The following DTWD2 variants were observed in gnomAD, a reference collection of about 807,000 sequenced individuals.
DTWD2 encodes DTW motif tRNA-uridine aminocarboxypropyltransferase 2, also known as tRNA-uridine aminocarboxypropyltransferase 2.
Under a neutral mutation model 31.8 loss-of-function variants are expected in DTWD2, and 39 were observed. The ratio of observed to expected loss-of-function variants is 1.22; its 90% CI spans 0.95 to 1.60. DTWD2 has a LOEUF of 1.60. Among genes scored for constraint, DTWD2 ranks in the 40% most tolerant of loss-of-function variants. DTWD2 has a pLI of 0.00. For missense variants in DTWD2, 515 were observed against 381.5 expected (o/e 1.35, Z -2.92); for synonymous variants, 180 against 142.8 (o/e 1.26, Z -1.86).
Position 118,870,642 on chromosome 5 carries a change from T to C in DTWD2, c.598-22424A>G, listed in dbSNP as rs530264609. On this transcript the variant is annotated intron_variant, in intron 4 of 5. Transcript: ENST00000510708. ...CTGAGCCTTCAGTGAGTCATCCTCC[T>C]TTGGTGGAGGGTCTTGTCTCAAAGT... is the stretch of plus-strand genomic sequence containing the variant. Among the ~76,000 whole-genome samples, 251 of 152,306 alleles carry C rather than the reference T, an allele frequency of 1.6e-3. 1 individual carries two copies. The highest frequency in any genetic ancestry group is 2.9e-3 in the Non-Finnish European group (200 of 68,018).
At chr5:118,870,840 CT>C (rs999107261) in intron 4 of DTWD2, among the ~76,000 whole-genome samples, 1 of 151,906 alleles carries the variant, frequency 6.6e-6, no homozygotes, top group African/African-American at 2.4e-5. Context: ...AGGAGAACTT[CT>C]TTTTTTCCAC....
chr5:118,897,249 T>C (rs574379032), intron 4 of DTWD2, among the ~76,000 whole-genome samples: 4 of 152,332 alleles, frequency 2.6e-5, no homozygotes, highest in African/African-American at 7.2e-5. Flanking sequence ...CTTCTCCCAG[T>C]GAAATCACAT....
chr5:118,872,159 G>A lies in DTWD2; in HGVS notation c.598-23941C>T, dbSNP rs75763012. Among the ~76,000 whole-genome samples, 1,243 of 152,292 alleles carry A rather than the reference G, an allele frequency of 8.2e-3. 13 individuals are homozygous for A. Among genetic ancestry groups the A allele is most frequent in the African/African-American group, 0.028 (1,149 of 41,560 alleles). On this transcript the variant is annotated intron_variant, in intron 4 of 5. Transcript: ENST00000510708. ...GAGTTAGAGCCTTGCTGTAGATTAA[G>A]CTTTGCCTAAGGGAATGTTATAGCT...
intron 4 of DTWD2, among the ~76,000 whole-genome samples, chr5:118,878,325 T>C (rs576522569): frequency 2.0e-5 from 3 of 152,122 alleles, no homozygotes; most frequent in Non-Finnish European, 2.9e-5. Flanking sequence ...CATAAACCAA[T>C]GGAACAGAGT....
At chr5:118,951,481 C>T (rs1313721563) in intron 1 of DTWD2, among the ~76,000 whole-genome samples, 1 of 152,152 alleles carries the variant, frequency 6.6e-6, no homozygotes, top group Non-Finnish European at 1.5e-5. Flanking sequence ...AGACGTCAGG[C>T]ACCTCAGACC....
intron 3 of DTWD2, among the ~76,000 whole-genome samples, chr5:118,937,144 GA>G (rs1754061389): frequency 6.6e-6 from 1 of 152,046 alleles, no homozygotes; most frequent in African/African-American, 2.4e-5. Flanking sequence ...CTTAGAAATA[GA>G]AGGGTTTTAA....
At chr5:118,858,913 C>G (rs1030326654) in intron 4 of DTWD2, among the ~76,000 whole-genome samples, 1 of 152,180 alleles carries the variant, frequency 6.6e-6, no homozygotes, top group African/African-American at 2.4e-5. Flanking sequence ...TTTATACCAT[C>G]CAATTCCTTC....
Position 118,885,439 on chromosome 5 carries a change from A to G in DTWD2, c.598-37221T>C, listed in dbSNP as rs375874614. ...TGCACTGCACTCCAGCCTGGGCGACAGAGCAAGACTCCACCTCAAAAAAAA... is the reference window on the plus strand; with the variant it reads ...TGCACTGCACTCCAGCCTGGGCGACGGAGCAAGACTCCACCTCAAAAAAAA... On this transcript the variant is annotated intron_variant, in intron 4 of 5. Transcript: ENST00000510708. 1.1e-4 allele frequency among the ~76,000 whole-genome samples: 16 copies of G among 140,002 alleles called. 1 individual carries two copies. The East Asian group carries it at 2.0e-3, about 17-fold the overall frequency. The allele number at this position is 140,002 out of a possible 152,430, so 91.8% of individuals were successfully genotyped here.
intron 4 of DTWD2, among the ~76,000 whole-genome samples, chr5:118,912,915 A>G (rs550960836): frequency 1.3e-5 from 2 of 152,316 alleles, no homozygotes; most frequent in African/African-American, 2.4e-5. Flanking sequence ...TCCTAAACAC[A>G]AACTAAACAT....
At chr5:118,861,967 G>A (rs1260252256) in intron 4 of DTWD2, among the ~76,000 whole-genome samples, 2 of 152,148 alleles carry the variant, frequency 1.3e-5, no homozygotes, top group Non-Finnish European at 2.9e-5. Flanking sequence ...CTAAGCCAGG[G>A]ATCCCCAGCC....
At chr5:118,940,716 A>T (rs145385396) in intron 2 of DTWD2, among the ~76,000 whole-genome samples, 76 of 152,326 alleles carry the variant, frequency 5.0e-4, no homozygotes, top group African/African-American at 1.7e-3. Flanking sequence ...AGAGATGTTA[A>T]TTAACTTGCT....
chr5:118,967,202 A>G (rs190646210), intron 1 of DTWD2, among the ~76,000 whole-genome samples: 6 of 152,332 alleles, frequency 3.9e-5, no homozygotes, highest in African/African-American at 7.2e-5. Context: ...ATAAACTACA[A>G]TTAGAGAAGG....
chr5:118,971,204 G>A (rs1456519476), intron 1 of DTWD2, among the ~76,000 whole-genome samples: 1 of 152,146 alleles, frequency 6.6e-6, no homozygotes, highest in South Asian at 2.1e-4. Flanking sequence ...GCTGGATAGA[G>A]TCAAGATCCA....
chr5:118,963,433 A>G (rs1754750495), intron 1 of DTWD2, among the ~76,000 whole-genome samples: 2 of 152,200 alleles, frequency 1.3e-5, no homozygotes. Context: ...TAGCTGGAGA[A>G]AGGGGTGTAT....
At chr5:118,924,845 T>C (rs1260072079) in intron 4 of DTWD2, among the ~76,000 whole-genome samples, 1 of 152,170 alleles carries the variant, frequency 6.6e-6, no homozygotes, top group Non-Finnish European at 1.5e-5. Flanking sequence ...CTAAAGCAAG[T>C]TATTTAATGT....
chr5:118,882,984 G>A (rs1752776266), intron 4 of DTWD2, among the ~76,000 whole-genome samples: 1 of 152,224 alleles, frequency 6.6e-6, no homozygotes, highest in Non-Finnish European at 1.5e-5. Flanking sequence ...CTCATGGTCA[G>A]GCCGCAAATT....
intron 4 of DTWD2, among the ~76,000 whole-genome samples, chr5:118,871,938 T>A (rs918932886): frequency 6.6e-6 from 1 of 152,244 alleles, no homozygotes; most frequent in Non-Finnish European, 1.5e-5. Flanking sequence ...TACTGTTTAG[T>A]GTAGACACCT....
intron 2 of DTWD2, among the ~76,000 whole-genome samples, chr5:118,943,693 G>A (rs1223842261): frequency 6.6e-6 from 1 of 152,152 alleles, no homozygotes; most frequent in Admixed American, 6.5e-5. Flanking sequence ...AGCTGAGATT[G>A]TACCACTGTA....
chr5:118,880,588 C>T (rs961516678), intron 4 of DTWD2, among the ~76,000 whole-genome samples: 1 of 152,098 alleles, frequency 6.6e-6, no homozygotes, highest in African/African-American at 2.4e-5. Flanking sequence ...ACACATACCA[C>T]TGGAAAATAT....
Sources: allele counts gnomAD v4.1 joint callset (sites outside exome capture counted in the v4.1 genomes callset), GRCh38; gene constraint gnomAD v4.1.1; transcripts MANE v1.5; gene names NCBI Gene and HGNC (gene_info 2026-07-23, HGNC 2026-07-21).